PRSS57: variants seen among roughly 807,000 people sequenced by gnomAD.
PRSS57 encodes the protein neutrophil serine protease 4.
PRSS57 carries 19 observed loss-of-function variants against 20.6 expected under a neutral mutation model. The ratio of observed to expected loss-of-function variants is 0.92; its 90% CI spans 0.64 to 1.35. The LOEUF is 1.35. PRSS57 is among the 40% of genes most tolerant of loss of function. The pLI is 0.00. For synonymous variants in PRSS57, 203 were observed against 176.6 expected (o/e 1.15, Z -1.19); for missense variants, 440 against 403.7 (o/e 1.09, Z -0.77).
chr19:688,602 C>CTTTTTTTTTTTTTTTT lies in PRSS57; in HGVS notation c.379-1415_379-1414insAAAAAAAAAAAAAAAA, dbSNP rs11451021. Among the ~76,000 whole-genome samples the CTTTTTTTTTTTTTTTT allele has an allele frequency of 5.6e-3, 618 of 110,074 alleles. 47 individuals are homozygous for CTTTTTTTTTTTTTTTT. Among genetic ancestry groups the CTTTTTTTTTTTTTTTT allele is most frequent in the South Asian group, 9.1e-3 (29 of 3,178 alleles). The allele number at this position is 110,074 out of a possible 152,430, so 72.2% of individuals were successfully genotyped here. On this transcript the variant is annotated intron_variant, in intron 3 of 4. Coordinates refer to ENST00000329267, the MANE Select transcript of PRSS57 (RefSeq NM_001308209.2). ...CCACCCGGAGGACTCCACCCAGGGA[C>CTTTTTTTTTTTTTTTT]TTTTTTTTTTTTTTCAGATGGAGTC...
At chr19:688,179 G>C (rs1277539881) in intron 3 of PRSS57, among the ~76,000 whole-genome samples, 1 of 152,176 alleles carries the variant, frequency 6.6e-6, no homozygotes, top group Non-Finnish European at 1.5e-5. Context: ...TCTCTGATTT[G>C]TGCGTCTTGG....
At chr19:692,387 C>A (rs1165984176) in intron 2 of PRSS57, among the ~76,000 whole-genome samples, 1 of 147,400 alleles carries the variant, frequency 6.8e-6, no homozygotes, top group African/African-American at 2.5e-5. Context: ...AAAAAAAAAA[C>A]AATTACTTTT....
intron 3 of PRSS57, among the ~76,000 whole-genome samples, chr19:687,588 T>C (rs1321516566): frequency 2.0e-5 from 3 of 152,078 alleles, no homozygotes; most frequent in African/African-American, 7.2e-5. Context: ...GGTATTTTAG[T>C]AGAGACGGGG....
Position 695,343 on chromosome 19 carries a change from G to A in PRSS57, c.79+9C>T. On this transcript the variant is annotated intron_variant, in intron 1 of 4. Coordinates refer to ENST00000329267, the MANE Select transcript of PRSS57 (RefSeq NM_001308209.2). ...GGGGCCTGGGTGGGGATCCCGGGGG[G>A]CTCCTCACCGGGGGGCTTCACGGGC... 1 of 1,253,802 alleles carries A rather than the reference G, an allele frequency of 8.0e-7. No homozygotes were observed. The highest frequency in any genetic ancestry group is 1.0e-6 in the Non-Finnish European group (1 of 992,236). 77.7% of individuals were successfully genotyped at this position (1,253,802 alleles called of 1,614,324 possible).
chr19:693,771 G>A (rs1366048988), intron 2 of PRSS57, among the ~76,000 whole-genome samples: 1 of 150,174 alleles, frequency 6.7e-6, no homozygotes, highest in African/African-American at 2.5e-5. Context: ...ACAGAGTCTC[G>A]CTCTGTCCCC....
intron 2 of PRSS57, among the ~76,000 whole-genome samples, chr19:694,579 T>C (rs113878841): frequency 0.13 from 18,010 of 144,000 alleles, 2,333 homozygotes; most frequent in African/African-American, 0.3. Flanking sequence ...AAAAAGAACA[T>C]AGTGACAGTT....
chr19:694,830 G>C lies in PRSS57; in HGVS notation c.217C>G (p.His73Asp). ...LRARWVVSAAHCFSHRDLRTG... is the reference protein window; with the variant it reads ...LRARWVVSAADCFSHRDLRTG... ...TGAGCTCACCTGTGGCTGAAGCAGT[G>C]GGCGGCCGAGACCACCCAGCGGGCT... The change falls in exon 2 of 5, where the codon CAC (histidine) becomes GAC (aspartate). Residue 73 changes from histidine (H) to aspartate (D), a missense_variant. By Grantham distance (81) the His-to-Asp change is moderately conservative. Coordinates refer to ENST00000329267, the MANE Select transcript of PRSS57 (RefSeq NM_001308209.2). 1 of 1,607,370 alleles carries C rather than the reference G, an allele frequency of 6.2e-7. No homozygotes were observed. The highest frequency in any genetic ancestry group is 8.5e-7 in the Non-Finnish European group (1 of 1,177,800).
intron 3 of PRSS57, among the ~76,000 whole-genome samples, chr19:689,580 G>A (rs956904568): frequency 3.9e-5 from 6 of 152,196 alleles, no homozygotes; most frequent in South Asian, 4.1e-4. Context: ...CCACTGGGGG[G>A]TCCAGGGCAC....
Position 685,919 on chromosome 19 carries a change from C to T in PRSS57, c.646G>A (p.Asp216Asn), listed in dbSNP as rs776424212. The T allele has an allele frequency of 4.7e-5, 72 of 1,538,638 alleles. No homozygotes were observed. Among genetic ancestry groups the T allele is most frequent in the Non-Finnish European group, 5.1e-5 (58 of 1,139,510 alleles). Reference protein sequence around the residue: ...DSHRRGFCSADSGGPLVCRNR... With the variant: ...DSHRRGFCSANSGGPLVCRNR... Reference sequence around the variant, plus strand: ...CTGCACACCAGGGGCCCTCCGGAGTCGGCCTGGAGTGAAAGGAGAGGTGAG... The same window carrying T: ...CTGCACACCAGGGGCCCTCCGGAGTTGGCCTGGAGTGAAAGGAGAGGTGAG... The change falls in exon 5 of 5, where the codon GAC (aspartate) becomes AAC (asparagine). Residue 216 changes from aspartate to asparagine, a missense_variant. Physicochemically the swap from Asp to Asn is conservative, Grantham distance 23 (BLOSUM62 1). Coordinates refer to ENST00000329267, the MANE Select transcript of PRSS57 (RefSeq NM_001308209.2).
intron 3 of PRSS57, 77 bp from the exon 4 acceptor site, chr19:687,265 C>G: frequency 7.1e-7 from 1 of 1,414,714 alleles, no homozygotes; most frequent in Non-Finnish European, 9.3e-7. Flanking sequence ...CCATGGGACC[C>G]CTGGTCCTGC....
At chr19:693,576 C>A (rs2031710146) in intron 2 of PRSS57, among the ~76,000 whole-genome samples, 1 of 150,026 alleles carries the variant, frequency 6.7e-6, no homozygotes, top group Non-Finnish European at 1.5e-5. Context: ...CCACAATTAA[C>A]TTTTTTTTTT....
intron 3 of PRSS57, chr19:690,357 C>T (rs878943041): frequency 3.9e-5 from 6 of 154,112 alleles, no homozygotes; most frequent in Admixed American, 6.6e-5. Flanking sequence ...AAACACTAAA[C>T]GGCGGATGAC....
chr19:685,874 CGAG>C lies in PRSS57; in HGVS notation c.688_690del (p.Leu230del). ...CCGCACCAGAGGCCCGAGAAGGAAA[CGAG>C]GCCGTGAGCCCGGTTCCTGCACACC... On this transcript the variant is annotated inframe_deletion, in exon 5 of 5. Transcript: ENST00000329267. 3 of 1,555,522 alleles carry C rather than the reference CGAG, an allele frequency of 1.9e-6. No individual in the cohort carries two copies. Among genetic ancestry groups the C allele is most frequent in the Non-Finnish European group, 2.6e-6 (3 of 1,149,932 alleles).
chr19:693,833 G>A (rs559894512), intron 2 of PRSS57, among the ~76,000 whole-genome samples: 61 of 152,124 alleles, frequency 4.0e-4, no homozygotes, highest in Middle Eastern at 3.4e-3. Flanking sequence ...GCCGCCTCCC[G>A]GGTTCACGCC....
intron 2 of PRSS57, 89 bp from the exon 3 acceptor site, chr19:692,091 C>T (rs1027910226): frequency 5.7e-5 from 69 of 1,213,990 alleles, no homozygotes; most frequent in Admixed American, 1.7e-4. Flanking sequence ...AGGCCCAGGC[C>T]GGGCACGGTG....
At chr19:692,557 C>T (rs1270872663) in intron 2 of PRSS57, among the ~76,000 whole-genome samples, 7 of 151,338 alleles carry the variant, frequency 4.6e-5, no homozygotes, top group Admixed American at 4.0e-4. Context: ...GCTAAGACTA[C>T]AGGCGTGCGC....
At chr19:693,705 GA>G (rs1352463670) in intron 2 of PRSS57, among the ~76,000 whole-genome samples, 1 of 151,512 alleles carries the variant, frequency 6.6e-6, no homozygotes, top group Admixed American at 6.6e-5. Context: ...AGTAGCTGGG[GA>G]TACGTACAGC....
chr19:695,284 T>G, intron 1 of PRSS57, 68 bp downstream of exon 1: 1 of 745,008 alleles, frequency 1.3e-6, no homozygotes, highest in Non-Finnish European at 1.9e-6. Flanking sequence ...GGACTGGGGG[T>G]TCCCGGGTGT....
rs1171032187 is a variant in PRSS57, at chr19:693,229, C to CTTTTTT, written c.234-1228_234-1227insAAAAAA. On this transcript the variant is annotated intron_variant, in intron 2 of 4. Transcript: ENST00000329267. The stretch of plus-strand genomic sequence containing the variant: ...TACAGGCGTGAGCCACCGCACCCGG[C>CTTTTTT]CTTTTTTTTTTTTTTTTTTTTGAGA... 1.4e-3 allele frequency among the ~76,000 whole-genome samples: 156 copies of CTTTTTT among 109,120 alleles called. 44 individuals carry two copies. The highest frequency in any genetic ancestry group is 1.3e-3 in the Non-Finnish European group (72 of 54,476). The allele number at this position is 109,120 out of a possible 152,430, so 71.6% of individuals were successfully genotyped here.
Sources: gnomAD v4.1 joint callset for allele counts (sites outside exome capture counted in the v4.1 genomes callset) on GRCh38, gnomAD v4.1.1 for gene constraint, MANE v1.5 for transcripts, NCBI Gene and HGNC (gene_info 2026-07-23, HGNC 2026-07-21) for gene names.